Variants in CRPPA observed in about 807,000 individuals in gnomAD.
The protein encoded by CRPPA is D-ribitol-5-phosphate cytidylyltransferase.
CRPPA carries 43 observed loss-of-function variants against 52.0 expected under a neutral mutation model. That is an observed-to-expected ratio of 0.83 (90% confidence interval 0.65 to 1.07). The LOEUF (loss-of-function observed/expected upper bound fraction) is 1.07. CRPPA is among the 50% of genes least tolerant of loss of function. The pLI, the probability that CRPPA is intolerant of heterozygous loss-of-function variation, is 0.00. For synonymous variants in CRPPA, 250 were observed against 203.5 expected (o/e 1.23, Z -1.94); for missense variants, 629 against 551.7 (o/e 1.14, Z -1.40).
intron 9 of CRPPA, among the ~76,000 whole-genome samples, chr7:16,198,416 C>A (rs1325432613): frequency 4.0e-5 from 4 of 99,308 alleles, no homozygotes; most frequent in African/African-American, 1.3e-4. Flanking sequence ...TCTATGATGC[C>A]AAGACCTTTG....
intron 7 of CRPPA, 30 bp from the exon 8 acceptor site, chr7:16,258,512 A>C (rs1388282101): frequency 4.1e-5 from 56 of 1,362,174 alleles, no homozygotes; most frequent in Non-Finnish European, 5.5e-5. Flanking sequence ...AAAGGATATG[A>C]GAAGACGTTT....
intron 9 of CRPPA, among the ~76,000 whole-genome samples, chr7:16,175,629 C>G (rs970443700): frequency 6.6e-6 from 1 of 152,102 alleles, no homozygotes; most frequent in African/African-American, 2.4e-5. Flanking sequence ...TTTGTAAGCT[C>G]TCCAGTCTTT....
intron 5 of CRPPA, among the ~76,000 whole-genome samples, chr7:16,299,686 C>A (rs994592102): frequency 6.6e-6 from 1 of 152,128 alleles, no homozygotes; most frequent in African/African-American, 2.4e-5. Flanking sequence ...CTAGGCAGGT[C>A]AGATTTATCT....
At chr7:16,321,206 A>G (rs1352325403) in intron 3 of CRPPA, among the ~76,000 whole-genome samples, 1 of 152,142 alleles carries the variant, frequency 6.6e-6, no homozygotes, top group Non-Finnish European at 1.5e-5. Flanking sequence ...ACAGGAAACA[A>G]TGTTATCAGT....
chr7:16,254,083 A>T (rs1394482815), intron 8 of CRPPA, among the ~76,000 whole-genome samples: 1 of 152,162 alleles, frequency 6.6e-6, no homozygotes, highest in Non-Finnish European at 1.5e-5. Flanking sequence ...AAAAGTCAGG[A>T]AACAACAGAT....
chr7:16,314,919 T>C (rs1416230938), intron 3 of CRPPA, among the ~76,000 whole-genome samples: 1 of 152,100 alleles, frequency 6.6e-6, no homozygotes, highest in Non-Finnish European at 1.5e-5. Context: ...TTGGTTGGTT[T>C]CTAACATTGA....
At chr7:16,319,245 T>G (rs889072002) in intron 3 of CRPPA, among the ~76,000 whole-genome samples, 5 of 152,182 alleles carry the variant, frequency 3.3e-5, no homozygotes, top group African/African-American at 1.2e-4. Context: ...ACTTAGCTAT[T>G]CATTTAAATC....
At chr7:16,252,356 T>A (rs1033756723) in intron 8 of CRPPA, among the ~76,000 whole-genome samples, 1 of 152,154 alleles carries the variant, frequency 6.6e-6, no homozygotes, top group African/African-American at 2.4e-5. Context: ...TCACAAGCCC[T>A]TCATGCTAAA....
At chr7:16,282,127 T>C (rs1037628141) in intron 5 of CRPPA, among the ~76,000 whole-genome samples, 5 of 152,100 alleles carry the variant, frequency 3.3e-5, no homozygotes, top group Admixed American at 2.6e-4. Flanking sequence ...TTTAAAAATG[T>C]TTAAGTTGCT....
At chr7:16,366,145 G>A (rs1272323224) in intron 3 of CRPPA, among the ~76,000 whole-genome samples, 2 of 152,252 alleles carry the variant, frequency 1.3e-5, no homozygotes, top group East Asian at 3.9e-4. Context: ...GGCAGAAGGG[G>A]CAAACAAGCT....
Sources: gnomAD v4.1 joint callset for allele counts (sites outside exome capture counted in the v4.1 genomes callset) on GRCh38, gnomAD v4.1.1 for gene constraint, MANE v1.5 for transcripts, NCBI Gene and HGNC (gene_info 2026-07-23, HGNC 2026-07-21) for gene names.